Variants in SPINK5 observed in about 807,000 individuals in gnomAD.
The protein encoded by SPINK5 is serine protease inhibitor Kazal-type 5.
A neutral mutation model predicts 151.8 loss-of-function variants in SPINK5; 125 were observed. The ratio of observed to expected loss-of-function variants is 0.82; its 90% CI spans 0.71 to 0.96. The LOEUF is 0.96. Among genes scored for constraint, SPINK5 ranks in the 40% least tolerant of loss-of-function variants. SPINK5 has a pLI of 0.00. For missense variants in SPINK5, 1,194 were observed against 1,291.9 expected, an observed-to-expected ratio of 0.92 and a Z score of 1.16; for synonymous variants, 374 against 395.3, an observed-to-expected ratio of 0.95 and a Z score of 0.64.
chr5:148,107,081 T>A lies in SPINK5; in HGVS notation c.1524T>A (p.Leu508=). 1 of 1,613,300 alleles carries A rather than the reference T, an allele frequency of 6.2e-7. No homozygotes were observed. The highest frequency in any genetic ancestry group is 8.5e-7 in the Non-Finnish European group (1 of 1,179,480). The stretch of plus-strand genomic sequence containing the variant: ...GGGACCAAGTGAGGAATGGAACACT[T>A]ATATGCACCAGGGAGCATAATCCTG... ...EFRDQVRNGT[L]ICTREHNPVR... is the part of the protein sequence containing the mutation. The change falls in exon 17 of 33, where the codon CTT becomes CTA. Residue 508 remains leucine (L), a synonymous_variant. Coordinates refer to ENST00000256084, the MANE Select transcript of SPINK5 (RefSeq NM_006846.4).
chr5:148,083,621 AAATGTATGTT>A lies in SPINK5; in HGVS notation c.283-2780_283-2771del, dbSNP rs1389932922. On this transcript the variant is annotated intron_variant, in intron 4 of 32. Coordinates refer to ENST00000256084, the MANE Select transcript of SPINK5 (RefSeq NM_006846.4). The stretch of plus-strand genomic sequence containing the variant: ...TTGTCAATTTCTTTGTCTTCTCTCC[AAATGTATGTT>A]AATCCACTCTCCATATATTTTCTGT... 1.1e-4 allele frequency among the ~76,000 whole-genome samples: 16 copies of A among 151,484 alleles called. 1 individual carries two copies. The highest frequency in any genetic ancestry group is 6.6e-4 in the Admixed American group (10 of 15,200).
At chr5:148,069,528 C>A (rs1752681496) in intron 2 of SPINK5, among the ~76,000 whole-genome samples, 1 of 151,842 alleles carries the variant, frequency 6.6e-6, no homozygotes, top group African/African-American at 2.4e-5. Flanking sequence ...TGAGAAATTT[C>A]CTCAGTACTT....
At chr5:148,116,566 T>A (rs1395151494) in intron 22 of SPINK5, 100 bp downstream of exon 22, 1 of 1,188,852 alleles carries the variant, frequency 8.4e-7, no homozygotes, top group East Asian at 2.4e-5. Context: ...CAGTGCTAAG[T>A]CCTTGAGAGA....
At chr5:148,114,312 A>G (rs768576151) in intron 20 of SPINK5, 50 bp from the exon 21 acceptor site, 2 of 1,599,382 alleles carry the variant, frequency 1.3e-6, no homozygotes, top group Non-Finnish European at 1.7e-6. Context: ...AACCCAGTAA[A>G]CTAATTTCCC....
intron 21 of SPINK5, among the ~76,000 whole-genome samples, chr5:148,115,039 C>A (rs1185950435): frequency 2.6e-5 from 4 of 152,072 alleles, no homozygotes; most frequent in Non-Finnish European, 4.4e-5. Flanking sequence ...ATCATATAGT[C>A]CACTGATATT....
intron 8 of SPINK5, among the ~76,000 whole-genome samples, 162 bp downstream of exon 8, chr5:148,091,390 A>G (rs1161718673): frequency 1.3e-5 from 2 of 151,796 alleles, no homozygotes; most frequent in Non-Finnish European, 2.9e-5. Context: ...TAGAATATTA[A>G]TCATTAGATT....
chr5:148,079,586 A>G (rs1752967195), intron 4 of SPINK5, among the ~76,000 whole-genome samples: 1 of 151,280 alleles, frequency 6.6e-6, no homozygotes. Context: ...CAAGAAAGCA[A>G]TGTTGGTTTG....
At position 148,109,893 on chromosome 5, in the gene SPINK5, C is replaced by T. The variant is rs919350942; in HGVS notation, c.1692+1056C>T. Among the ~76,000 whole-genome samples, 9 of 152,242 alleles carry T rather than the reference C, an allele frequency of 5.9e-5. 1 individual carries two copies. Among genetic ancestry groups the T allele is most frequent in the Admixed American group, 5.9e-4 (9 of 15,288 alleles). On this transcript the variant is annotated intron_variant, in intron 18 of 32. Coordinates refer to ENST00000256084, the MANE Select transcript of SPINK5 (RefSeq NM_006846.4). ...TGGAAGTGCCATACATGGTCTGATC[C>T]CTGCCACTTTTCATAGGTCACATTT...
chr5:148,123,703 T>C, intron 26 of SPINK5, 130 bp from the exon 27 acceptor site: 1 of 1,332,444 alleles, frequency 7.5e-7, no homozygotes, highest in South Asian at 1.3e-5. Context: ...TTAAAACATA[T>C]TTCTTCTCTG....
rs1263030139 is a variant in SPINK5 at position 148,117,442 on chromosome 5, AT to A, written c.2112+980del. On this transcript the variant is annotated intron_variant, in intron 22 of 32. Coordinates refer to ENST00000256084, the MANE Select transcript of SPINK5 (RefSeq NM_006846.4). ...TTTTTCTGTATAAGGCCAGCTAAAT[AT>A]TTTAAGCAATGTGGGCTTTGTGGGT... Among the ~76,000 whole-genome samples the A allele has an allele frequency of 3.9e-5, 6 of 152,296 alleles. No homozygotes were observed. In the East Asian group the frequency reaches 9.6e-4, roughly 24 times the overall value.
chr5:148,072,146 A>C lies in SPINK5; in HGVS notation c.210-2A>C, dbSNP rs1219497521. On this transcript the variant is annotated splice_acceptor_variant, in intron 3 of 32. Transcript: ENST00000256084. LOFTEE classifies it high-confidence loss of function. The stretch of plus-strand genomic sequence containing the variant: ...ACTATGCTATTTCTTGTCCTTTTCC[A>C]GGGAAAAAGAAGCAAAATCACAGAA... The C allele has an allele frequency of 4.3e-6, 7 of 1,611,484 alleles. No individual in the cohort carries two copies. Among genetic ancestry groups the C allele is most frequent in the African/African-American group, 1.3e-5 (1 of 74,772 alleles).
At chr5:148,129,269 C>T (rs2112765) in intron 30 of SPINK5, among the ~76,000 whole-genome samples, 85,414 of 152,050 alleles carry the variant, frequency 0.56, 24,702 homozygotes, top group Admixed American at 0.65. Context: ...AATGAAGGTT[C>T]TGAGAAGACT....
chr5:148,136,088 A>T (rs1754688142), intron 32 of SPINK5, among the ~76,000 whole-genome samples: 2 of 152,134 alleles, frequency 1.3e-5, no homozygotes, highest in Admixed American at 1.3e-4. Context: ...TTCAATGTAG[A>T]TATCCTGACT....
rs182767534 is a variant in SPINK5, at chr5:148,114,435, G to A, written c.1961G>A (p.Arg654His). The A allele has an allele frequency of 4.8e-5, 77 of 1,613,666 alleles. No homozygotes were observed. The East Asian group carries it at 1.0e-3, about 22-fold the overall frequency. Reference sequence around the variant, plus strand: ...TGCACAAGAGAAAATGATCCTGTGCGTGGCCCAGATGGCAAGACCCATGGC... The same window carrying A: ...TGCACAAGAGAAAATGATCCTGTGCATGGCCCAGATGGCAAGACCCATGGC... ...LFCTRENDPV[R>H]GPDGKTHGNK... The change falls in exon 21 of 33, where the codon CGT becomes CAT. Residue 654 changes from arginine to histidine, a missense_variant. Physicochemically the swap from Arg to His is conservative, Grantham distance 29 (BLOSUM62 0). Transcript: ENST00000256084.
At chr5:148,098,105 T>C (rs1729388722) in intron 11 of SPINK5, 111 bp downstream of exon 11, 10 of 1,019,142 alleles carry the variant, frequency 9.8e-6, no homozygotes, top group African/African-American at 1.6e-5. Context: ...GGGAAGTGAG[T>C]TGAAAACATT....
Position 148,086,537 on chromosome 5 carries a change from G to C in SPINK5, c.410+5G>C. 2.5e-6 allele frequency: 4 copies of C among 1,610,506 alleles called. No homozygotes were observed. The highest frequency in any genetic ancestry group is 3.4e-6 in the Non-Finnish European group (4 of 1,178,182). On this transcript the variant is annotated splice_donor_5th_base_variant and intron_variant, in intron 5 of 32. Transcript: ENST00000256084. Reference sequence around the variant, plus strand: ...TGCACTGTGTGCTGAGAATGCGTGAGTATTCTCTGAAGTAGGCTTTCTCCC... The same window carrying C: ...TGCACTGTGTGCTGAGAATGCGTGACTATTCTCTGAAGTAGGCTTTCTCCC...
At chr5:148,070,816 T>C (rs1752717795) in intron 3 of SPINK5, among the ~76,000 whole-genome samples, 2 of 152,076 alleles carry the variant, frequency 1.3e-5, no homozygotes, top group South Asian at 4.1e-4. Context: ...CTGATTCTGT[T>C]GCAGCCTAGG....
chr5:148,103,566 G>A (rs1753701906), intron 15 of SPINK5, among the ~76,000 whole-genome samples: 1 of 152,070 alleles, frequency 6.6e-6, no homozygotes, highest in African/African-American at 2.4e-5. Flanking sequence ...TTAGACTCGT[G>A]ATAAAGGTTA....
chr5:148,137,117 G>A lies in SPINK5; in HGVS notation c.*126G>A. 2 of 1,290,706 alleles carry A rather than the reference G, an allele frequency of 1.5e-6. No individual in the cohort carries two copies. The highest frequency in any genetic ancestry group is 1.2e-5 in the South Asian group (1 of 83,322). 80.0% of individuals were successfully genotyped at this position (1,290,706 alleles called of 1,614,324 possible). A position where few individuals can be genotyped will look rare whatever the true frequency, so the allele number is the denominator to read the frequency against. On this transcript the variant is annotated 3_prime_UTR_variant, in exon 33 of 33. Coordinates refer to ENST00000256084, the MANE Select transcript of SPINK5 (RefSeq NM_006846.4). ...TATTTGCTATAGAAAACAATACAGA[G>A]CTTTTGGGAATGGACTCACTGATTT...
Sources: allele counts gnomAD v4.1 joint callset (sites outside exome capture counted in the v4.1 genomes callset), GRCh38; gene constraint gnomAD v4.1.1; transcripts MANE v1.5; gene names NCBI Gene and HGNC (gene_info 2026-07-23, HGNC 2026-07-21).